The following TENT2 variants were observed in gnomAD, a reference collection of about 807,000 sequenced individuals.
TENT2 encodes terminal nucleotidyltransferase 2.
A neutral mutation model predicts 72.2 loss-of-function variants in TENT2; 44 were observed. The observed-to-expected ratio is 0.61, with a 90% CI of 0.48 to 0.78. The LOEUF (loss-of-function observed/expected upper bound fraction) is 0.78, where lower values mean the gene tolerates loss of function less well. Among genes scored for constraint, TENT2 ranks in the 30% least tolerant of loss-of-function variants. The pLI, the probability that TENT2 is intolerant of heterozygous loss-of-function variation, is 0.00. For synonymous variants in TENT2, 212 were observed against 192.5 expected (o/e 1.10, Z -0.84); for missense variants, 541 against 569.6 (o/e 0.95, Z 0.51).
chr5:79,646,061 G>A (rs1367181149), intron 8 of TENT2, among the ~76,000 whole-genome samples: 1 of 152,070 alleles, frequency 6.6e-6, no homozygotes, highest in Non-Finnish European at 1.5e-5. Flanking sequence ...TTCTTGTTCA[G>A]CTTCATACTG....
rs1375617546 is a variant in TENT2 at position 79,683,334 on chromosome 5, CA to C, written c.1380+1274del. Among the ~76,000 whole-genome samples, 21 of 151,874 alleles carry C rather than the reference CA, an allele frequency of 1.4e-4. No individual in the cohort carries two copies. In the East Asian group the frequency reaches 2.9e-3, roughly 21 times the overall value. On this transcript the variant is annotated intron_variant, in intron 14 of 14. Coordinates refer to ENST00000453514, the MANE Select transcript of TENT2 (RefSeq NM_001114394.3). Reference sequence around the variant, plus strand: ...ATGCTCACACACACACACACACACACACACACACCCCACCTCACCTCACCCC... The same window carrying C: ...ATGCTCACACACACACACACACACACCACACACCCCACCTCACCTCACCCC...
chr5:79,632,467 C>T (rs1448724647), intron 4 of TENT2, among the ~76,000 whole-genome samples: 1 of 152,020 alleles, frequency 6.6e-6, no homozygotes, highest in African/African-American at 2.4e-5. Context: ...AGAATGTAAT[C>T]AGTTATCTAA....
chr5:79,682,457 T>G (rs1822773274), intron 14 of TENT2, among the ~76,000 whole-genome samples: 4 of 151,074 alleles, frequency 2.6e-5, no homozygotes, highest in African/African-American at 9.7e-5. Flanking sequence ...TTTTTTTTTT[T>G]TTTTTTTTGT....
rs1826366846 is a variant in TENT2, at chr5:79,687,396, T to C, written c.*2123T>C. 6.6e-6 allele frequency among the ~76,000 whole-genome samples: 1 copy of C among 152,202 alleles called. No homozygotes were observed. Among genetic ancestry groups the C allele is most frequent in the Non-Finnish European group, 1.5e-5 (1 of 68,016 alleles). ...GTCCCTCAGTATATTGAGGGATTGA[T>C]TCCAGGTCAACCCCGTCCTCTTCAG... is the stretch of plus-strand genomic sequence containing the variant. On this transcript the variant is annotated 3_prime_UTR_variant, in exon 15 of 15. Coordinates refer to ENST00000453514, the MANE Select transcript of TENT2 (RefSeq NM_001114394.3).
chr5:79,656,597 T>C (rs867715849), intron 10 of TENT2, among the ~76,000 whole-genome samples: 28 of 152,166 alleles, frequency 1.8e-4, no homozygotes, highest in African/African-American at 6.0e-4. Context: ...GCTACATCCA[T>C]CTTAATAATG....
intron 1 of TENT2, among the ~76,000 whole-genome samples, chr5:79,615,679 G>C (rs148988729): frequency 3.5e-4 from 53 of 151,938 alleles, no homozygotes; most frequent in African/African-American, 1.3e-3. Flanking sequence ...TGCCAGTCTT[G>C]AATCTGGCAA....
intron 4 of TENT2, among the ~76,000 whole-genome samples, chr5:79,633,827 C>G (rs966289125): frequency 2.0e-5 from 3 of 149,736 alleles, no homozygotes; most frequent in African/African-American, 7.4e-5. Flanking sequence ...GTGTTAAATA[C>G]CATGTGAGAG....
Position 79,623,289 on chromosome 5 carries a change from A to T in TENT2, c.265A>T (p.Lys89Ter). The T allele has an allele frequency of 6.2e-7, 1 of 1,613,406 alleles. No individual in the cohort carries two copies. The highest frequency in any genetic ancestry group is 8.5e-7 in the Non-Finnish European group (1 of 1,179,606). Residue 89 changes from lysine (K) to a stop codon, truncating the protein, a stop_gained, in exon 4 of 15, where the codon AAA becomes TAA. Transcript: ENST00000453514. LOFTEE classifies it high-confidence loss of function. ...TGAAAAAAACCTTCCTCTTGACGGTAAACGGCAACGTTTCCATTCACCCCA... is the reference window on the plus strand; with the variant it reads ...TGAAAAAAACCTTCCTCTTGACGGTTAACGGCAACGTTTCCATTCACCCCA... ...SDEKNLPLDGKRQRFHSPHQE... is the reference protein window; with the variant it reads ...SDEKNLPLDG
chr5:79,669,023 A>G lies in TENT2; in HGVS notation c.1203A>G (p.Glu401=). 1 of 1,613,510 alleles carries G rather than the reference A, an allele frequency of 6.2e-7. No individual in the cohort carries two copies. Among genetic ancestry groups the G allele is most frequent in the Non-Finnish European group, 8.5e-7 (1 of 1,179,710 alleles). Residue 401 remains glutamate (E), a synonymous_variant, in exon 12 of 15, where the codon GAA becomes GAG. Coordinates refer to ENST00000453514, the MANE Select transcript of TENT2 (RefSeq NM_001114394.3). ...GCTTTCTTAAATATTATGCTACAGAATTTGAGTAAGTAAAACTTTAAATTG... is the reference window on the plus strand; with the variant it reads ...GCTTTCTTAAATATTATGCTACAGAGTTTGAGTAAGTAAAACTTTAAATTG... ...LLGFLKYYAT[E]FDWNSQMISV...
At chr5:79,616,333 G>T (rs1760031336) in intron 1 of TENT2, among the ~76,000 whole-genome samples, 1 of 151,654 alleles carries the variant, frequency 6.6e-6, no homozygotes, top group Non-Finnish European at 1.5e-5. Flanking sequence ...CAAGTAGCTG[G>T]GATTACAGGC....
chr5:79,642,231 T>C (rs890440144), intron 6 of TENT2, among the ~76,000 whole-genome samples: 2 of 152,004 alleles, frequency 1.3e-5, no homozygotes, highest in Non-Finnish European at 2.9e-5. Context: ...TTACTGCAAG[T>C]CAGAAAGAGA....
chr5:79,683,265 G>A (rs889326378), intron 14 of TENT2, among the ~76,000 whole-genome samples: 1 of 151,954 alleles, frequency 6.6e-6, no homozygotes, highest in African/African-American at 2.4e-5. Flanking sequence ...ACCAGCCTGG[G>A]CAACGCATAG....
chr5:79,666,058 G>A (rs1016378953), intron 11 of TENT2, among the ~76,000 whole-genome samples: 1 of 150,002 alleles, frequency 6.7e-6, no homozygotes, highest in Non-Finnish European at 1.5e-5. Context: ...GCGTGGATTC[G>A]GCTTACTGCA....
intron 4 of TENT2, among the ~76,000 whole-genome samples, chr5:79,628,524 A>G (rs2150120983): frequency 6.6e-6 from 1 of 152,306 alleles, no homozygotes; most frequent in South Asian, 2.1e-4. Flanking sequence ...ATGGTAGTGA[A>G]AAAGATGTGG....
chr5:79,662,666 C>T (rs764520326), intron 11 of TENT2, among the ~76,000 whole-genome samples: 1 of 152,056 alleles, frequency 6.6e-6, no homozygotes, highest in South Asian at 2.1e-4. Flanking sequence ...TTCAGTGTAC[C>T]GTGCTGTAAA....
At chr5:79,621,287 C>A (rs560612645) in intron 3 of TENT2, among the ~76,000 whole-genome samples, 22 of 152,282 alleles carry the variant, frequency 1.4e-4, no homozygotes, top group African/African-American at 5.1e-4. Context: ...TCAGAAGTGA[C>A]ATAGCTAGGA....
intron 8 of TENT2, among the ~76,000 whole-genome samples, chr5:79,647,171 G>A (rs1789770311): frequency 6.6e-6 from 1 of 152,138 alleles, no homozygotes; most frequent in Admixed American, 6.6e-5. Context: ...ATTTCATTGA[G>A]TGAATAAATT....
chr5:79,616,822 C>T (rs1449746842), intron 1 of TENT2, among the ~76,000 whole-genome samples: 1 of 152,080 alleles, frequency 6.6e-6, no homozygotes, highest in African/African-American at 2.4e-5. Context: ...GTCTCTGGTC[C>T]AAATTAGAGT....
intron 14 of TENT2, among the ~76,000 whole-genome samples, chr5:79,684,123 C>T (rs1454725218): frequency 6.6e-6 from 1 of 151,996 alleles, no homozygotes; most frequent in Non-Finnish European, 1.5e-5. Context: ...GAATAACTGA[C>T]ATGAGACTAG....
Sources: allele counts gnomAD v4.1 joint callset (sites outside exome capture counted in the v4.1 genomes callset), GRCh38; gene constraint gnomAD v4.1.1; transcripts MANE v1.5; gene names NCBI Gene and HGNC (gene_info 2026-07-23, HGNC 2026-07-21).